PRH1: variants seen among roughly 807,000 people sequenced by gnomAD.
PRH1 encodes proline rich protein HaeIII subfamily 1.
A neutral mutation model predicts 7.9 loss-of-function variants in PRH1; 7 were observed. The observed-to-expected ratio is 0.89, with a 90% CI of 0.50 to 1.67. The LOEUF (loss-of-function observed/expected upper bound fraction) is 1.67. PRH1 is among the 40% of genes most tolerant of loss of function. The pLI is 0.00. For synonymous variants in PRH1, 45 were observed against 80.8 expected (o/e 0.56, Z 2.38); for missense variants, 109 against 223.6 (o/e 0.49, Z 3.27).
At chr12:10,888,753 C>T (rs1949529898), upstream of PRH1, among the ~76,000 whole-genome samples, 1 of 152,056 alleles carries the variant, frequency 6.6e-6, no homozygotes, top group Non-Finnish European at 1.5e-5. Context: ...TTTAGTGATT[C>T]TTCTATGTTT....
chr12:11,146,321 C>T (rs1299667672), intron 1 of PRH1, among the ~76,000 whole-genome samples: 2 of 151,844 alleles, frequency 1.3e-5, no homozygotes, highest in African/African-American at 2.4e-5. Flanking sequence ...TAATAAACTA[C>T]TCTAAATGAG....
intron 1 of PRH1, among the ~76,000 whole-genome samples, chr12:11,039,717 G>A (rs1056567578): frequency 6.6e-6 from 1 of 152,202 alleles, no homozygotes; most frequent in Non-Finnish European, 1.5e-5. Context: ...AGCATTTAAG[G>A]TTTTCTTGGG....
intron 1 of PRH1, among the ~76,000 whole-genome samples, chr12:11,164,566 T>C (rs954508636): frequency 1.3e-4 from 20 of 152,200 alleles, no homozygotes; most frequent in African/African-American, 4.3e-4. Flanking sequence ...ACAAATGTTA[T>C]TGCCTTCATG....
chr12:11,070,723 C>A (rs1183445443), intron 1 of PRH1, among the ~76,000 whole-genome samples: 3 of 149,276 alleles, frequency 2.0e-5, no homozygotes, highest in Admixed American at 1.4e-4. Context: ...ATATTGGCCA[C>A]CCCAGCAGAG....
downstream of PRH1, among the ~76,000 whole-genome samples, chr12:11,118,770 G>A (rs1401601858): frequency 6.6e-6 from 1 of 152,038 alleles, no homozygotes; most frequent in Admixed American, 6.6e-5. Context: ...CGAGGTGGGT[G>A]GATCATGAGG....
intron 1 of PRH1, among the ~76,000 whole-genome samples, chr12:11,145,723 C>T (rs1449954271): frequency 6.6e-6 from 1 of 151,614 alleles, no homozygotes; most frequent in Non-Finnish European, 1.5e-5. Context: ...GTTAAAGTCG[C>T]TTAAGCCAGC....
intron 1 of PRH1, among the ~76,000 whole-genome samples, chr12:11,101,280 G>C (rs1218843366): frequency 6.6e-6 from 1 of 152,176 alleles, no homozygotes; most frequent in Non-Finnish European, 1.5e-5. Context: ...CTAAGCACAG[G>C]AGTTCAAGAC....
In PRH1 at chr12:10,958,037, T is replaced by C. The variant is rs145734801; in HGVS notation, c.-59+15618A>G. ...AAAGAACTTAACACAGAATTACCATTCAAACCAGCAATTCCATTATTGGAT... is the reference window on the plus strand; with the variant it reads ...AAAGAACTTAACACAGAATTACCATCCAAACCAGCAATTCCATTATTGGAT... On this transcript the variant is annotated intron_variant, in intron 2 of 3. Coordinates refer to the PRH1 transcript ENST00000539853. Among the ~76,000 whole-genome samples, 610 of 152,282 alleles carry C rather than the reference T, an allele frequency of 4.0e-3. 2 individuals are homozygous for C. Among genetic ancestry groups the C allele is most frequent in the African/African-American group, 0.014 (581 of 41,558 alleles).
intron 2 of PRH1, among the ~76,000 whole-genome samples, chr12:10,959,848 T>A (rs1252028190): frequency 6.6e-6 from 1 of 152,164 alleles, no homozygotes; most frequent in African/African-American, 2.4e-5. Flanking sequence ...TCTGATTGAT[T>A]AAAGATTGAA....
At chr12:11,037,895 A>G (rs1423235571) in intron 1 of PRH1, among the ~76,000 whole-genome samples, 1 of 150,734 alleles carries the variant, frequency 6.6e-6, no homozygotes, top group African/African-American at 2.4e-5. Flanking sequence ...AGAAAAAATC[A>G]GCAGGGTGTG....
intron 1 of PRH1, among the ~76,000 whole-genome samples, chr12:11,145,499 TTC>T (rs1946835348): frequency 6.6e-6 from 1 of 152,142 alleles, no homozygotes; most frequent in Admixed American, 6.5e-5. Flanking sequence ...AGTCTACATG[TTC>T]TAAAAAATGA....
intron 2 of PRH1, among the ~76,000 whole-genome samples, chr12:10,901,548 G>A (rs766348164): frequency 9.9e-5 from 15 of 152,136 alleles, no homozygotes; most frequent in Non-Finnish European, 1.8e-4. Context: ...TGAGCAGGGA[G>A]TTCACACCAC....
At chr12:11,089,312 CT>C (rs2136251560) in intron 1 of PRH1, among the ~76,000 whole-genome samples, 1 of 116,118 alleles carries the variant, frequency 8.6e-6, no homozygotes, top group African/African-American at 2.9e-5. Flanking sequence ...CAAGGAAACC[CT>C]GACCAATAAG....
At chr12:11,165,652 G>GTAAATCGTGAGA (rs1555177729) in intron 1 of PRH1, among the ~76,000 whole-genome samples, 1 of 151,610 alleles carries the variant, frequency 6.6e-6, no homozygotes, top group Non-Finnish European at 1.5e-5. Flanking sequence ...CATATTTACA[G>GTAAATCGTGAGA]TAAATCCTGA....
chr12:10,972,108 A>G (rs1938843806), intron 2 of PRH1, among the ~76,000 whole-genome samples: 1 of 152,178 alleles, frequency 6.6e-6, no homozygotes, highest in South Asian at 2.1e-4. Context: ...AGGCCCTGAA[A>G]GGACTCATAC....
chr12:11,134,595 T>A (rs553752441), intron 1 of PRH1: 1 of 232,652 alleles, frequency 4.3e-6, no homozygotes. Flanking sequence ...TCACTTCCAG[T>A]GTTTGCAATT....
intron 1 of PRH1, among the ~76,000 whole-genome samples, chr12:11,103,400 G>A (rs1173354710): frequency 6.6e-6 from 1 of 152,090 alleles, no homozygotes; most frequent in Non-Finnish European, 1.5e-5. Flanking sequence ...GGACGTGGAT[G>A]AAGCTAGAAA....
At chr12:11,022,460 T>G (rs370999796) in intron 1 of PRH1, 71 of 1,613,926 alleles carry the variant, frequency 4.4e-5, no homozygotes, top group Non-Finnish European at 5.4e-5. Context: ...ATCTTTCGTG[T>G]GTTAACCCAG....
intron 1 of PRH1, among the ~76,000 whole-genome samples, chr12:11,035,743 C>A (rs570415650): frequency 6.6e-6 from 1 of 152,240 alleles, no homozygotes; most frequent in South Asian, 2.1e-4. Context: ...AGTATCTTAT[C>A]TGTTGCTGGG....
Sources: gnomAD v4.1 joint callset for allele counts (sites outside exome capture counted in the v4.1 genomes callset) on GRCh38, gnomAD v4.1.1 for gene constraint, MANE v1.5 for transcripts, NCBI Gene and HGNC (gene_info 2026-07-23, HGNC 2026-07-21) for gene names.